OSBPL10: variants seen among roughly 807,000 people sequenced by gnomAD.
The protein encoded by OSBPL10 is oxysterol binding protein like 10.
Under a neutral mutation model 81.7 loss-of-function variants are expected in OSBPL10, and 49 were observed. The ratio of observed to expected loss-of-function variants is 0.60; its 90% CI spans 0.48 to 0.76. The LOEUF (loss-of-function observed/expected upper bound fraction) is 0.76, where lower values mean the gene tolerates loss of function less well. OSBPL10 is among the 30% of genes least tolerant of loss of function. The pLI, the probability that OSBPL10 is intolerant of heterozygous loss-of-function variation, is 0.00. For missense variants in OSBPL10, 923 were observed against 987.8 expected (o/e 0.93, Z 0.88); for synonymous variants, 419 against 383.6 (o/e 1.09, Z -1.08).
intron 4 of OSBPL10, chr3:31,794,908 C>A: frequency 2.8e-6 from 1 of 363,540 alleles, no homozygotes; most frequent in Non-Finnish European, 5.4e-6. Flanking sequence ...TGGAGAGAAA[C>A]TCGAGAGAAG....
chr3:31,746,136 C>A (rs955277561), intron 5 of OSBPL10, among the ~76,000 whole-genome samples: 1 of 152,166 alleles, frequency 6.6e-6, no homozygotes. Flanking sequence ...ATTGATTAAA[C>A]CCTCCTCCAA....
intron 1 of OSBPL10, among the ~76,000 whole-genome samples, chr3:31,928,860 G>A (rs1484015308): frequency 1.3e-5 from 2 of 151,492 alleles, no homozygotes; most frequent in African/African-American, 4.9e-5. Context: ...AAAAGGTGTT[G>A]ACAGGGAAAG....
intron 2 of OSBPL10, among the ~76,000 whole-genome samples, chr3:32,013,966 C>CA: frequency 6.6e-6 from 1 of 152,072 alleles, no homozygotes; most frequent in Non-Finnish European, 1.5e-5. Context: ...GCTTAGCAAC[C>CA]AAAAAAAGTA....
intron 4 of OSBPL10, among the ~76,000 whole-genome samples, chr3:31,772,627 G>A (rs535737353): frequency 8.5e-5 from 13 of 152,272 alleles, no homozygotes; most frequent in Middle Eastern, 3.4e-3. Context: ...TGCCCCTGCC[G>A]TCTCTATCCT....
intron 7 of OSBPL10, among the ~76,000 whole-genome samples, chr3:31,692,291 A>C (rs1695581287): frequency 6.6e-6 from 1 of 152,180 alleles, no homozygotes; most frequent in South Asian, 2.1e-4. Flanking sequence ...TAAAAATACC[A>C]ACCTTCTAGG....
chr3:31,814,379 C>A (rs184085809), intron 4 of OSBPL10, among the ~76,000 whole-genome samples: 15 of 152,314 alleles, frequency 9.8e-5, no homozygotes, highest in Non-Finnish European at 1.5e-5. Context: ...TCAAGTCCAC[C>A]GGAACCTGAG....
chr3:31,702,742 G>A (rs1359006522), intron 6 of OSBPL10, among the ~76,000 whole-genome samples: 1 of 152,140 alleles, frequency 6.6e-6, no homozygotes, highest in Non-Finnish European at 1.5e-5. Context: ...ATTAGTGAGT[G>A]TAAGGACTTC....
chr3:31,931,545 GCTGA>G, intron 1 of OSBPL10, among the ~76,000 whole-genome samples: 1 of 152,314 alleles, frequency 6.6e-6, no homozygotes, highest in African/African-American at 2.4e-5. Flanking sequence ...ATCAGTGGAA[GCTGA>G]CTGCTTACAG....
At chr3:31,662,535 G>C in intron 11 of OSBPL10, 1 of 1,005,968 alleles carries the variant, frequency 9.9e-7, no homozygotes, top group Non-Finnish European at 1.2e-6. Context: ...TCTCCAGCAG[G>C]CAGTAGTCAC....
intron 1 of OSBPL10, among the ~76,000 whole-genome samples, chr3:31,974,747 C>T (rs1274458988): frequency 6.6e-6 from 1 of 152,122 alleles, no homozygotes; most frequent in East Asian, 1.9e-4. Flanking sequence ...AGGAAAGGGG[C>T]TGTGGGGGAC....
chr3:31,748,231 G>C, intron 4 of OSBPL10, 111 bp from the exon 5 acceptor site: 1 of 939,318 alleles, frequency 1.1e-6, no homozygotes, highest in East Asian at 2.6e-5. Flanking sequence ...GGTCAACTCA[G>C]CGTGTTCGGT....
At chr3:31,910,900 T>C (rs1214200527) in intron 1 of OSBPL10, among the ~76,000 whole-genome samples, 3 of 152,202 alleles carry the variant, frequency 2.0e-5, no homozygotes, top group African/African-American at 7.2e-5. Flanking sequence ...CTACTTCCTT[T>C]ACTCAAATCA....
intron 4 of OSBPL10, 70 bp from the exon 5 acceptor site, chr3:31,748,190 T>C: frequency 2.9e-6 from 4 of 1,393,628 alleles, no homozygotes; most frequent in Non-Finnish European, 4.0e-6. Context: ...AGGCGGCAGA[T>C]AAACCACAGA....
At chr3:31,853,568 T>G (rs996390397) in intron 3 of OSBPL10, among the ~76,000 whole-genome samples, 1 of 152,358 alleles carries the variant, frequency 6.6e-6, no homozygotes, top group East Asian at 1.9e-4. Context: ...AAAGGATCGA[T>G]GCTATAGTTT....
rs375065093 is a variant in OSBPL10, at chr3:31,724,828, G to A, written c.1095+8429C>T. On this transcript the variant is annotated intron_variant, in intron 6 of 11. Transcript: ENST00000396556. ...AGTTGCTAAGATTGAGAAGGAAGGAGGGCAGAAAGATGCTGTTTTGCAAGA... is the reference window on the plus strand; with the variant it reads ...AGTTGCTAAGATTGAGAAGGAAGGAAGGCAGAAAGATGCTGTTTTGCAAGA... 1.6e-3 allele frequency among the ~76,000 whole-genome samples: 248 copies of A among 152,244 alleles called. 1 individual carries two copies. Among genetic ancestry groups the A allele is most frequent in the African/African-American group, 5.7e-3 (236 of 41,534 alleles).
intron 4 of OSBPL10, among the ~76,000 whole-genome samples, chr3:31,812,737 AG>A (rs59426324): frequency 4.7e-5 from 1 of 21,356 alleles, no homozygotes; most frequent in Admixed American, 6.5e-4. Flanking sequence ...AAAGAAAGAA[AG>A]AAAGAAAGAA....
chr3:32,060,719 G>A (rs7623229), intron 1 of OSBPL10, among the ~76,000 whole-genome samples: 54,595 of 89,558 alleles, frequency 0.61, 23,563 homozygotes, highest in South Asian at 0.84. Flanking sequence ...ACTTTGGGAG[G>A]CCGAGCTGGG....
intron 1 of OSBPL10, among the ~76,000 whole-genome samples, chr3:31,886,593 T>A (rs528864985): frequency 6.6e-6 from 1 of 152,330 alleles, no homozygotes; most frequent in East Asian, 1.9e-4. Context: ...TGAACAGACT[T>A]CTGCACCCTG....
intron 7 of OSBPL10, among the ~76,000 whole-genome samples, chr3:31,688,800 A>G (rs891942617): frequency 6.6e-6 from 1 of 152,182 alleles, no homozygotes; most frequent in African/African-American, 2.4e-5. Context: ...TATTTCAGGA[A>G]CGTGTTTTGG....
Sources: gnomAD v4.1 joint callset for allele counts (sites outside exome capture counted in the v4.1 genomes callset) on GRCh38, gnomAD v4.1.1 for gene constraint, MANE v1.5 for transcripts, NCBI Gene and HGNC (gene_info 2026-07-23, HGNC 2026-07-21) for gene names.